CHRM3: variants seen among roughly 807,000 people sequenced by gnomAD.
The protein encoded by CHRM3 is cholinergic receptor muscarinic 3, also known as muscarinic acetylcholine receptor M3.
In CHRM3, 11 loss-of-function variants were observed where a neutral mutation model predicts 41.8. The ratio of observed to expected loss-of-function variants is 0.26; its 90% confidence interval spans 0.17 to 0.44. CHRM3 has a LOEUF of 0.44. Ranked by LOEUF, CHRM3 falls within the 20% of genes least tolerant of loss-of-function variation. The pLI, the probability that CHRM3 is intolerant of heterozygous loss-of-function variation, is 1.00. For missense variants in CHRM3, 571 were observed against 745.4 expected, an observed-to-expected ratio of 0.77 and a Z score of 2.72; for synonymous variants, 297 against 301.4, an observed-to-expected ratio of 0.99 and a Z score of 0.15.
At chr1:239,876,854 T>A (rs1257475196) in intron 6 of CHRM3, among the ~76,000 whole-genome samples, 3 of 152,188 alleles carry the variant, frequency 2.0e-5, no homozygotes, top group Non-Finnish European at 2.9e-5. Flanking sequence ...ACCCTTACTC[T>A]TATTTGCTTA....
At chr1:239,548,869 C>A (rs374437230) in intron 3 of CHRM3, among the ~76,000 whole-genome samples, 1 of 152,170 alleles carries the variant, frequency 6.6e-6, no homozygotes, top group Non-Finnish European at 1.5e-5. Flanking sequence ...CAAGGTTATG[C>A]GGTTGGAATG....
intron 6 of CHRM3, among the ~76,000 whole-genome samples, chr1:239,865,471 A>G (rs574874343): frequency 6.6e-6 from 1 of 152,340 alleles, no homozygotes; most frequent in Admixed American, 6.5e-5. Flanking sequence ...GGAGGAAACA[A>G]AGGAGGACAG....
chr1:239,610,488 T>C (rs1666891752), intron 3 of CHRM3, among the ~76,000 whole-genome samples: 1 of 152,174 alleles, frequency 6.6e-6, no homozygotes, highest in Non-Finnish European at 1.5e-5. Flanking sequence ...CTAATGCTGC[T>C]CCTAATCTGA....
At chr1:239,859,589 T>C (rs1675437519) in intron 6 of CHRM3, among the ~76,000 whole-genome samples, 1 of 151,524 alleles carries the variant, frequency 6.6e-6, no homozygotes, top group Non-Finnish European at 1.5e-5. Flanking sequence ...TAATTTTTAG[T>C]ATTTTTAGTA....
At chr1:239,856,480 T>TTCG (rs1643990876) in intron 6 of CHRM3, among the ~76,000 whole-genome samples, 1 of 152,166 alleles carries the variant, frequency 6.6e-6, no homozygotes, top group African/African-American at 2.4e-5. Flanking sequence ...TTGCTTCCCT[T>TTCG]TCGTCTTTCT....
At chr1:239,622,820 AT>A in intron 3 of CHRM3, among the ~76,000 whole-genome samples, 1 of 152,214 alleles carries the variant, frequency 6.6e-6, no homozygotes, top group East Asian at 1.9e-4. Context: ...ATTGGTTCCA[AT>A]TTTTAAAAAG....
intron 4 of CHRM3, among the ~76,000 whole-genome samples, chr1:239,663,831 G>T (rs1673502604): frequency 6.6e-6 from 1 of 152,180 alleles, no homozygotes; most frequent in African/African-American, 2.4e-5. Flanking sequence ...CACTGGAGTG[G>T]TACCCAGAAA....
chr1:239,648,057 C>T (rs186095504), intron 4 of CHRM3, among the ~76,000 whole-genome samples: 3 of 152,140 alleles, frequency 2.0e-5, no homozygotes, highest in Non-Finnish European at 4.4e-5. Context: ...AACTAGTTTC[C>T]TCAGTATGTT....
At chr1:239,808,674 T>C (rs1670861174) in intron 5 of CHRM3, among the ~76,000 whole-genome samples, 1 of 152,154 alleles carries the variant, frequency 6.6e-6, no homozygotes, top group East Asian at 1.9e-4. Context: ...GAAATGCGAG[T>C]GAACCACTGA....
At chr1:239,873,590 G>T (rs1015656113) in intron 6 of CHRM3, among the ~76,000 whole-genome samples, 1 of 151,922 alleles carries the variant, frequency 6.6e-6, no homozygotes, top group South Asian at 2.1e-4. Context: ...AGAACATGCA[G>T]TGTTTGGTTT....
chr1:239,700,075 A>G (rs1484589288), intron 5 of CHRM3, among the ~76,000 whole-genome samples: 2 of 152,084 alleles, frequency 1.3e-5, no homozygotes, highest in African/African-American at 2.4e-5. Flanking sequence ...ATTTTTTTTC[A>G]TGGAAGAAAG....
At chr1:239,651,187 ATAAACAAATT>A (rs1415811109) in intron 4 of CHRM3, among the ~76,000 whole-genome samples, 3 of 152,300 alleles carry the variant, frequency 2.0e-5, no homozygotes, top group Non-Finnish European at 2.9e-5. Context: ...TAGTTTCTTT[ATAAACAAATT>A]TAATACAAAT....
chr1:239,743,955 C>T (rs1384219902), intron 5 of CHRM3, among the ~76,000 whole-genome samples: 2 of 149,104 alleles, frequency 1.3e-5, no homozygotes, highest in Non-Finnish European at 3.0e-5. Context: ...CCACCATGCC[C>T]GGCTAATTTT....
At chr1:239,769,240 G>A (rs541630503) in intron 5 of CHRM3, among the ~76,000 whole-genome samples, 1 of 152,128 alleles carries the variant, frequency 6.6e-6, no homozygotes, top group African/African-American at 2.4e-5. Flanking sequence ...AAGGACTGCT[G>A]TGCCCGCCAC....
chr1:239,584,565 AAAG>A (rs1333708896), intron 3 of CHRM3, among the ~76,000 whole-genome samples: 2 of 152,246 alleles, frequency 1.3e-5, no homozygotes, highest in Non-Finnish European at 2.9e-5. Flanking sequence ...ATATGTAAGA[AAAG>A]AAGAGAGGTA....
chr1:239,699,420 C>G (rs1383495597), intron 5 of CHRM3, among the ~76,000 whole-genome samples: 2 of 152,084 alleles, frequency 1.3e-5, no homozygotes, highest in African/African-American at 4.8e-5. Flanking sequence ...TTCCTTCACA[C>G]TTGCACAAAG....
intron 3 of CHRM3, among the ~76,000 whole-genome samples, chr1:239,611,566 A>ACC (rs1461171200): frequency 6.6e-6 from 1 of 151,880 alleles, no homozygotes; most frequent in Non-Finnish European, 1.5e-5. Context: ...GATTACAGGC[A>ACC]TGCGTCACCA....
chr1:239,808,395 C>T (rs535514), intron 5 of CHRM3, among the ~76,000 whole-genome samples: 82,314 of 151,908 alleles, frequency 0.54, 23,360 homozygotes, highest in African/African-American at 0.72. Flanking sequence ...GTTGGACATA[C>T]GAACAAAGGG....
At chr1:239,732,224 T>C (rs1026858165) in intron 5 of CHRM3, among the ~76,000 whole-genome samples, 8 of 151,698 alleles carry the variant, frequency 5.3e-5, no homozygotes, top group Admixed American at 2.0e-4. Flanking sequence ...ACATCTCACT[T>C]AGATAAGTAT....
Sources: gnomAD v4.1 joint callset for allele counts (sites outside exome capture counted in the v4.1 genomes callset) on GRCh38, gnomAD v4.1.1 for gene constraint, MANE v1.5 for transcripts, NCBI Gene and HGNC (gene_info 2026-07-23, HGNC 2026-07-21) for gene names.